CRISP2: variants seen among roughly 807,000 people sequenced by gnomAD.
The protein encoded by CRISP2 is cysteine rich secretory protein 2.
A neutral mutation model predicts 31.7 loss-of-function variants in CRISP2; 29 were observed. The ratio of observed to expected loss-of-function variants is 0.92; its 90% CI spans 0.68 to 1.25. CRISP2 has a LOEUF of 1.25. CRISP2 is among the 50% of genes most tolerant of loss of function. The pLI, the probability that CRISP2 is intolerant of heterozygous loss-of-function variation, is 0.00. For synonymous variants in CRISP2, 111 were observed against 101.4 expected (o/e 1.09, Z -0.57); for missense variants, 318 against 286.5 (o/e 1.11, Z -0.79).
At chr6:49,686,530 G>A in the CRISP2 span, among the ~76,000 whole-genome samples, 33 of 152,186 alleles carry the variant, frequency 2.2e-4, 1 homozygote, top group East Asian at 5.8e-3. Context: ...TTAGAAAGGC[G>A]ATCATTAAAA....
intron 1 of CRISP2, among the ~76,000 whole-genome samples, chr6:49,713,197 C>T (rs1448050643): frequency 1.3e-5 from 2 of 152,162 alleles, no homozygotes; most frequent in East Asian, 3.9e-4. Flanking sequence ...TACTATGATT[C>T]AATGGGTCTT....
In CRISP2 at chr6:49,692,645, G is replaced by T. The variant is rs1260809703; in HGVS notation, c.*128C>A. ...CTGAAAGTGATTTCTGTGATGATCT[G>T]GGGGAGAAGATGCATTGCTCTTTGA... On this transcript the variant is annotated 3_prime_UTR_variant, in exon 10 of 10. Transcript: ENST00000339139. 2.3e-5 allele frequency: 19 copies of T among 838,182 alleles called. No individual in the cohort carries two copies. The highest frequency in any genetic ancestry group is 3.1e-5 in the Non-Finnish European group (17 of 551,476). 51.9% of individuals were successfully genotyped at this position (838,182 alleles called of 1,614,324 possible). A position where few individuals can be genotyped will look rare whatever the true frequency, so the allele number is the denominator to read the frequency against.
chr6:49,690,090 T>G (rs1764001369), downstream of CRISP2, among the ~76,000 whole-genome samples: 1 of 152,162 alleles, frequency 6.6e-6, no homozygotes, highest in Non-Finnish European at 1.5e-5. Flanking sequence ...TCATATTGTT[T>G]GCTTATCAAA....
At chr6:49,708,601 C>T (rs1378670856) in intron 4 of CRISP2, among the ~76,000 whole-genome samples, 2 of 152,136 alleles carry the variant, frequency 1.3e-5, no homozygotes, top group Non-Finnish European at 2.9e-5. Context: ...AGGCATGGAA[C>T]AGGTCCCTCT....
At chr6:49,712,192 G>C (rs1768133027) in intron 2 of CRISP2, among the ~76,000 whole-genome samples, 1 of 152,106 alleles carries the variant, frequency 6.6e-6, no homozygotes, top group African/African-American at 2.4e-5. Flanking sequence ...TCAGCTCATT[G>C]AAAGCCATAC....
chr6:49,699,852 C>G lies in CRISP2; in HGVS notation c.223G>C (p.Ala75Pro), dbSNP rs765735706. 6.2e-7 allele frequency: 1 copy of G among 1,612,580 alleles called. No homozygotes were observed. The highest frequency in any genetic ancestry group is 1.3e-5 in the African/African-American group (1 of 74,966). ...CTATGTTGTAAAGTGCACTTGTTTG[C>G]CCACCTTTGGGCATTCGTTGTTACC... ...REVTTNAQRWANKCTLQHSDP... is the reference protein window; with the variant it reads ...REVTTNAQRWPNKCTLQHSDP... Residue 75 changes from alanine to proline, a missense_variant, in exon 6 of 10, where the codon GCA (alanine) becomes CCA (proline). Ala to Pro is a conservative substitution (Grantham distance 27). Coordinates refer to ENST00000339139, the MANE Select transcript of CRISP2 (RefSeq NM_003296.4).
At chr6:49,704,898 A>T (rs1489147019) in intron 4 of CRISP2, among the ~76,000 whole-genome samples, 1 of 152,192 alleles carries the variant, frequency 6.6e-6, no homozygotes, top group Non-Finnish European at 1.5e-5. Flanking sequence ...AGGCAGTGGA[A>T]TTAACTGCTG....
At chr6:49,695,759 G>T in intron 9 of CRISP2, 77 bp downstream of exon 9, 1 of 1,144,048 alleles carries the variant, frequency 8.7e-7, no homozygotes, top group Non-Finnish European at 1.2e-6. Flanking sequence ...TACGTTAGGA[G>T]ATTTGTTAAA....
In CRISP2 at chr6:49,700,804, G is replaced by A. The variant is rs1765537038; in HGVS notation, c.67-20C>T. On this transcript the variant is annotated intron_variant, in intron 4 of 9. Coordinates refer to ENST00000339139, the MANE Select transcript of CRISP2 (RefSeq NM_003296.4). The stretch of plus-strand genomic sequence containing the variant: ...GGGATCCTAAAAGAAAATAAAATTG[G>A]AATTATTATTTAACAATATTGTAAA... 7.2e-7 allele frequency: 1 copy of A among 1,392,938 alleles called. No homozygotes were observed. Among genetic ancestry groups the A allele is most frequent in the African/African-American group, 1.4e-5 (1 of 70,124 alleles). 86.3% of individuals were successfully genotyped at this position (1,392,938 alleles called of 1,614,324 possible).
chr6:49,701,981 A>G (rs1407149604), intron 4 of CRISP2, among the ~76,000 whole-genome samples: 41 of 48,462 alleles, frequency 8.5e-4, no homozygotes, highest in African/African-American at 3.7e-3. Flanking sequence ...TATATAATAT[A>G]TATAATATAA....
At chr6:49,687,320 CAATA>C in the CRISP2 span, among the ~76,000 whole-genome samples, 11 of 152,136 alleles carry the variant, frequency 7.2e-5, no homozygotes, top group East Asian at 1.9e-4. Flanking sequence ...TTAGCATATT[CAATA>C]AATAAATATG....
intron 6 of CRISP2, among the ~76,000 whole-genome samples, chr6:49,699,423 G>A (rs967514339): frequency 3.3e-5 from 5 of 151,816 alleles, no homozygotes; most frequent in African/African-American, 7.3e-5. Flanking sequence ...TTAACAAAAA[G>A]GGCAGTGGGT....
At chr6:49,698,531 C>T (rs766308435) in intron 6 of CRISP2, 24 bp from the exon 7 acceptor site, 2 of 1,585,294 alleles carry the variant, frequency 1.3e-6, no homozygotes, top group Admixed American at 2.0e-5. Context: ...CATTCATGAG[C>T]AAGGTAATAA....
the CRISP2 span, among the ~76,000 whole-genome samples, chr6:49,685,287 ATTTTATGAATCAT>A: frequency 6.6e-6 from 1 of 152,206 alleles, no homozygotes; most frequent in African/African-American, 2.4e-5. Flanking sequence ...ACACTGTATC[ATTTTATGAATCAT>A]TTTTATGATC....
intron 9 of CRISP2, 60 bp from the exon 10 acceptor site, chr6:49,692,960 A>G (rs540662348): frequency 3.2e-6 from 5 of 1,584,610 alleles, no homozygotes; most frequent in African/African-American, 2.7e-5. Context: ...GCAAAACCAT[A>G]CATTCAAAGT....
At chr6:49,681,337 T>G in the CRISP2 span, among the ~76,000 whole-genome samples, 1 of 152,192 alleles carries the variant, frequency 6.6e-6, no homozygotes, top group Non-Finnish European at 1.5e-5. Context: ...TTCTCTATTC[T>G]GTTCCACTGG....
intron 7 of CRISP2, 75 bp downstream of exon 7, chr6:49,698,287 C>T: frequency 1.3e-6 from 2 of 1,502,826 alleles, no homozygotes; most frequent in Admixed American, 1.7e-5. Flanking sequence ...TTGAACATTA[C>T]AGTGGTCATA....
intron 4 of CRISP2, among the ~76,000 whole-genome samples, chr6:49,707,553 T>C (rs1767286595): frequency 6.6e-6 from 1 of 152,158 alleles, no homozygotes. Flanking sequence ...GAAACAGGTA[T>C]GAAAGAAAAT....
In CRISP2 at chr6:49,698,331, T is replaced by C. The variant is rs760433932; in HGVS notation, c.417+31A>G. 4.3e-6 allele frequency: 7 copies of C among 1,609,810 alleles called. No homozygotes were observed. In the African/African-American group the frequency reaches 6.7e-5, roughly 15 times the overall value. On this transcript the variant is annotated intron_variant, in intron 7 of 9. Transcript: ENST00000339139. ...AAGCTTTCCTCTATTAGAACATCTG[T>C]GACATAGGTATTTTCATGCATTCTT...
Sources: allele counts gnomAD v4.1 joint callset (sites outside exome capture counted in the v4.1 genomes callset), GRCh38; gene constraint gnomAD v4.1.1; transcripts MANE v1.5; gene names NCBI Gene and HGNC (gene_info 2026-07-23, HGNC 2026-07-21).